The following EXTL3 variants were observed in gnomAD, a reference collection of about 807,000 sequenced individuals.
The protein encoded by EXTL3 is exostosin like glycosyltransferase 3, also known as exostosin-like 3.
A neutral mutation model predicts 69.3 loss-of-function variants in EXTL3; 27 were observed. That is an observed-to-expected ratio of 0.39 (90% CI 0.29 to 0.54). EXTL3 has a LOEUF of 0.54. EXTL3 is among the 20% of genes least tolerant of loss of function. The pLI is 0.69. For synonymous variants in EXTL3, 511 were observed against 499.4 expected, an observed-to-expected ratio of 1.02 and a Z score of -0.31; for missense variants, 1,003 against 1,231.8, an observed-to-expected ratio of 0.81 and a Z score of 2.78.
At chr8:28,638,340 C>T (rs573392646) in intron 1 of EXTL3, among the ~76,000 whole-genome samples, 16 of 152,320 alleles carry the variant, frequency 1.1e-4, no homozygotes, top group African/African-American at 3.8e-4. Flanking sequence ...CCACTACCAA[C>T]GAACCCTATG....
chr8:28,754,693 T>G lies in EXTL3; in HGVS notation c.*3827T>G, dbSNP rs1802080800. 2 of 152,382 alleles carry G rather than the reference T, an allele frequency of 1.3e-5. No homozygotes were observed. Among genetic ancestry groups the G allele is most frequent in the South Asian group, 4.1e-4 (2 of 4,824 alleles). 9.4% of individuals were successfully genotyped at this position (152,382 alleles called of 1,614,324 possible). A position where few individuals can be genotyped will look rare whatever the true frequency, so the allele number is the denominator to read the frequency against. Reference sequence around the variant, plus strand: ...CGAGTTGTGTCTTGGACTTACGGTCTGCCAAGGTGGTAAATGTTAGCTGTT... The same window carrying G: ...CGAGTTGTGTCTTGGACTTACGGTCGGCCAAGGTGGTAAATGTTAGCTGTT... On this transcript the variant is annotated 3_prime_UTR_variant, in exon 7 of 7. Coordinates refer to ENST00000220562, the MANE Select transcript of EXTL3 (RefSeq NM_001440.4).
chr8:28,646,708 C>T (rs1806836794), intron 1 of EXTL3, among the ~76,000 whole-genome samples: 1 of 152,148 alleles, frequency 6.6e-6, no homozygotes, highest in South Asian at 2.1e-4. Context: ...ATATTGACAG[C>T]CTGGGTTCAC....
intron 1 of EXTL3, among the ~76,000 whole-genome samples, chr8:28,690,460 GGGTGGTGGTGGT>G (rs753808506): frequency 2.0e-5 from 3 of 151,898 alleles, no homozygotes; most frequent in Non-Finnish European, 4.4e-5. Flanking sequence ...TGTTTTTTCT[GGGTGGTGGTGGT>G]GGTGGTGGTG....
At chr8:28,659,531 G>A (rs1465607062) in intron 1 of EXTL3, among the ~76,000 whole-genome samples, 2 of 152,110 alleles carry the variant, frequency 1.3e-5, no homozygotes, top group Non-Finnish European at 2.9e-5. Context: ...GGTAGTTATG[G>A]GAGGAATCCT....
intron 6 of EXTL3, among the ~76,000 whole-genome samples, chr8:28,745,339 A>G (rs1428343741): frequency 6.6e-6 from 1 of 152,238 alleles, no homozygotes. Context: ...CCAGGGTTTC[A>G]TCTGTTGCCG....
rs1471389911 is a variant in EXTL3, at chr8:28,716,156, A to T, written c.97A>T (p.Ser33Cys). ...WSNRIRLTWLSFTLFVILVFF... is the reference protein window; with the variant it reads ...WSNRIRLTWLCFTLFVILVFF... ...CAACCGCATCCGCCTCACGTGGCTC[A>T]GCTTCACGCTCTTTGTCATCCTGGT... The change falls in exon 3 of 7, where the codon AGC (serine) becomes TGC (cysteine). Residue 33 changes from serine (S) to cysteine (C), a missense_variant. By Grantham distance (112) the Ser-to-Cys change is moderately radical. This residue lies in a region of EXTL3 where 742 missense variants were observed against 815.4 expected (regional missense o/e 0.91). Coordinates refer to ENST00000220562, the MANE Select transcript of EXTL3 (RefSeq NM_001440.4). This position sits in a 1 kb window ranked among gnomAD's most constrained non-coding sequence, Gnocchi z 7.1. 1 of 1,614,020 alleles carries T rather than the reference A, an allele frequency of 6.2e-7. No individual in the cohort carries two copies. The highest frequency in any genetic ancestry group is 8.5e-7 in the Non-Finnish European group (1 of 1,180,034).
At chr8:28,667,053 C>T (rs1202108070) in intron 1 of EXTL3, among the ~76,000 whole-genome samples, 1 of 152,182 alleles carries the variant, frequency 6.6e-6, no homozygotes, top group East Asian at 1.9e-4. Context: ...ACCCAGACAC[C>T]AGATCCTCTG....
upstream of EXTL3, among the ~76,000 whole-genome samples, chr8:28,619,812 C>G (rs568552441): frequency 1.4e-5 from 2 of 138,998 alleles, no homozygotes; most frequent in Non-Finnish European, 3.0e-5. Flanking sequence ...AGCTGTCATC[C>G]GTATCCGTAC....
At chr8:28,652,836 CTT>C (rs1806949006) in intron 1 of EXTL3, among the ~76,000 whole-genome samples, 2 of 152,084 alleles carry the variant, frequency 1.3e-5, no homozygotes, top group Admixed American at 1.3e-4. Context: ...TGTTCAAGCT[CTT>C]TGTCCTCTTT....
rs1230231185 is a variant in EXTL3, at chr8:28,755,303, G to T, written c.*4437G>T. On this transcript the variant is annotated 3_prime_UTR_variant, in exon 7 of 7. Coordinates refer to ENST00000220562, the MANE Select transcript of EXTL3 (RefSeq NM_001440.4). ...CTCACCATGCTGTGTGCTGGCCACT[G>T]CTCTGCCTCCCACACCGGACTGCAG... 1 of 152,544 alleles carries T rather than the reference G, an allele frequency of 6.6e-6. No individual in the cohort carries two copies. Among genetic ancestry groups the T allele is most frequent in the Non-Finnish European group, 1.5e-5 (1 of 68,114 alleles). 9.4% of individuals were successfully genotyped at this position (152,544 alleles called of 1,614,324 possible).
intron 1 of EXTL3, among the ~76,000 whole-genome samples, chr8:28,672,142 C>A (rs1030215441): frequency 2.0e-5 from 3 of 151,824 alleles, no homozygotes; most frequent in Admixed American, 6.6e-5. Context: ...TGGCCAGGAG[C>A]GTTTGGTGCA....
rs142420996 is a variant in EXTL3, at chr8:28,730,746, A to G, written c.2149-477A>G. The stretch of plus-strand genomic sequence containing the variant: ...AAAGGTGAAGTAACTAATCTCGACC[A>G]GATGGGCTGTGCTCTTTTTTGGGAT... On this transcript the variant is annotated intron_variant, in intron 3 of 6. Coordinates refer to ENST00000220562, the MANE Select transcript of EXTL3 (RefSeq NM_001440.4). Among the ~76,000 whole-genome samples, 83 of 152,296 alleles carry G rather than the reference A, an allele frequency of 5.4e-4. No homozygotes were observed. In the East Asian group the frequency reaches 0.011, roughly 19 times the overall value.
chr8:28,713,946 G>T (rs1244164170), intron 2 of EXTL3, among the ~76,000 whole-genome samples: 38 of 92,288 alleles, frequency 4.1e-4, no homozygotes, highest in African/African-American at 1.6e-3. Flanking sequence ...CACTCTTGTT[G>T]CCTGGGCTGG....
intron 1 of EXTL3, among the ~76,000 whole-genome samples, chr8:28,638,527 T>C (rs1422150251): frequency 6.6e-6 from 1 of 152,210 alleles, no homozygotes; most frequent in African/African-American, 2.4e-5. Context: ...GCAAAATGCC[T>C]GCCAGCATCT....
At chr8:28,723,115 G>A (rs1801333667) in intron 3 of EXTL3, among the ~76,000 whole-genome samples, 1 of 152,152 alleles carries the variant, frequency 6.6e-6, no homozygotes, top group Non-Finnish European at 1.5e-5. Context: ...TTGGTAAGCT[G>A]TATTTTTTTA....
intron 1 of EXTL3, among the ~76,000 whole-genome samples, chr8:28,628,149 G>T (rs1806522108): frequency 6.6e-6 from 1 of 152,154 alleles, no homozygotes; most frequent in Non-Finnish European, 1.5e-5. Context: ...ATCACCTGAG[G>T]TCAGGAGTTC....
intron 6 of EXTL3, among the ~76,000 whole-genome samples, chr8:28,749,526 C>T (rs967909409): frequency 6.6e-6 from 1 of 152,226 alleles, no homozygotes; most frequent in Admixed American, 6.5e-5. Flanking sequence ...CAAAGGCCCC[C>T]AGCCCGCTTT....
At chr8:28,722,855 T>C (rs1474647726) in intron 3 of EXTL3, among the ~76,000 whole-genome samples, 2 of 152,048 alleles carry the variant, frequency 1.3e-5, no homozygotes, top group Non-Finnish European at 2.9e-5. Context: ...GCCCTTGATA[T>C]TCAAATTGAA....
At chr8:28,725,894 G>A (rs556906010) in intron 3 of EXTL3, among the ~76,000 whole-genome samples, 10 of 151,274 alleles carry the variant, frequency 6.6e-5, no homozygotes, top group South Asian at 2.1e-4. Flanking sequence ...TTTTATGTTC[G>A]ATCTGTCTTT....
Sources: allele counts gnomAD v4.1 joint callset (sites outside exome capture counted in the v4.1 genomes callset), GRCh38; gene constraint gnomAD v4.1.1; regional missense constraint gnomAD v4.1.1; non-coding constraint Gnocchi (gnomAD v3.1); transcripts MANE v1.5; gene names NCBI Gene and HGNC (gene_info 2026-07-23, HGNC 2026-07-21).